The following FARS2 variants were observed in gnomAD, a reference collection of about 807,000 sequenced individuals.
The protein encoded by FARS2 is phenylalanyl-tRNA synthetase 2, mitochondrial, also known as phenylalanine--tRNA ligase, mitochondrial.
Under a neutral mutation model 46.4 loss-of-function variants are expected in FARS2, and 40 were observed. The observed-to-expected ratio is 0.86, with a 90% CI of 0.67 to 1.12. The LOEUF (loss-of-function observed/expected upper bound fraction) is 1.12. Among genes scored for constraint, FARS2 ranks in the 50% most tolerant of loss-of-function variants. FARS2 has a pLI of 0.00. For missense variants in FARS2, 513 were observed against 567.9 expected (o/e 0.90, Z 0.98); for synonymous variants, 234 against 214.9 (o/e 1.09, Z -0.78).
chr6:5,356,804 A>G (rs1717850249), intron 1 of FARS2, among the ~76,000 whole-genome samples: 2 of 152,230 alleles, frequency 1.3e-5, no homozygotes, highest in Admixed American at 1.3e-4. Context: ...GCAACTTTAT[A>G]GACTATACTG....
chr6:5,493,668 G>A (rs373000820), intron 4 of FARS2, among the ~76,000 whole-genome samples: 1 of 152,184 alleles, frequency 6.6e-6, no homozygotes, highest in East Asian at 1.9e-4. Flanking sequence ...TTTATAAAAT[G>A]GGAGCAGTAG....
At chr6:5,516,933 C>T (rs1416757643) in intron 4 of FARS2, among the ~76,000 whole-genome samples, 1 of 152,054 alleles carries the variant, frequency 6.6e-6, no homozygotes, top group Admixed American at 6.6e-5. Flanking sequence ...TTGCAAGATG[C>T]TTGGGGTATA....
intron 4 of FARS2, among the ~76,000 whole-genome samples, chr6:5,539,384 G>GTGTGTATGTGTATATATATATATATA: frequency 2.4e-4 from 19 of 79,580 alleles, no homozygotes; most frequent in African/African-American, 8.8e-4. Context: ...TTTTTTTTGT[G>GTGTGTATGTGTATATATATATATATA]TATATATATA....
At chr6:5,611,174 G>A (rs1238686679) in intron 5 of FARS2, among the ~76,000 whole-genome samples, 1 of 152,232 alleles carries the variant, frequency 6.6e-6, no homozygotes, top group African/African-American at 2.4e-5. Flanking sequence ...TACTGTGCAA[G>A]AGAAGGATAG....
Position 5,368,861 on chromosome 6 carries a change from C to T in FARS2, c.291C>T (p.Phe97=). The change falls in exon 2 of 7, where the codon TTC becomes TTT. Residue 97 remains phenylalanine, a synonymous_variant. Transcript: ENST00000274680. ...WLIKERVKEH[F]YKQYVGRFGT... is the part of the protein sequence containing the mutation. The stretch of plus-strand genomic sequence containing the variant: ...TCAAGGAGAGGGTGAAGGAGCACTT[C>T]TACAAGCAGTATGTGGGCCGCTTTG... 6.2e-7 allele frequency: 1 copy of T among 1,614,146 alleles called. No homozygotes were observed. Among genetic ancestry groups the T allele is most frequent in the Non-Finnish European group, 8.5e-7 (1 of 1,180,024 alleles).
intron 5 of FARS2, among the ~76,000 whole-genome samples, chr6:5,602,772 A>G (rs1330136008): frequency 6.6e-6 from 1 of 151,778 alleles, no homozygotes; most frequent in Non-Finnish European, 1.5e-5. Flanking sequence ...ATGGGGTAGC[A>G]TTGTTAAACC....
chr6:5,562,810 T>TC (rs1253977002), intron 5 of FARS2, among the ~76,000 whole-genome samples: 2 of 150,276 alleles, frequency 1.3e-5, no homozygotes, highest in Non-Finnish European at 3.0e-5. Flanking sequence ...CTTTTTCTTT[T>TC]TTTTTTTTTT....
chr6:5,702,222 A>G (rs1487098453), intron 6 of FARS2, among the ~76,000 whole-genome samples: 4 of 152,232 alleles, frequency 2.6e-5, no homozygotes, highest in Admixed American at 6.5e-5. Context: ...AGCAACAGCA[A>G]GGGAAAAACA....
At chr6:5,284,571 AGT>A (rs1347906858) in intron 1 of FARS2, among the ~76,000 whole-genome samples, 1 of 152,180 alleles carries the variant, frequency 6.6e-6, no homozygotes, top group Non-Finnish European at 1.5e-5. Flanking sequence ...GATCATAAAT[AGT>A]GCTTATGTTT....
chr6:5,543,456 C>G (rs946673806), intron 4 of FARS2, among the ~76,000 whole-genome samples: 28 of 151,936 alleles, frequency 1.8e-4, no homozygotes, highest in African/African-American at 6.8e-4. Context: ...CCTCCACCTC[C>G]CAGGTTCAAG....
At chr6:5,709,673 T>TGG (rs1758989593) in intron 6 of FARS2, among the ~76,000 whole-genome samples, 1 of 21,640 alleles carries the variant, frequency 4.6e-5, no homozygotes, top group East Asian at 7.4e-3. Context: ...TCCAAGAGGG[T>TGG]GTGTGTGTGT....
chr6:5,255,720 T>G, the FARS2 span, among the ~76,000 whole-genome samples: 1 of 152,084 alleles, frequency 6.6e-6, no homozygotes, highest in Non-Finnish European at 1.5e-5. Flanking sequence ...CTAGGATTTC[T>G]CAATCTTGGC....
intron 6 of FARS2, among the ~76,000 whole-genome samples, chr6:5,732,803 C>G (rs1265866156): frequency 6.8e-6 from 1 of 147,518 alleles, no homozygotes. Context: ...AGGACCTTTT[C>G]ATATCCTTCA....
At chr6:5,461,912 G>C (rs996282562) in intron 4 of FARS2, among the ~76,000 whole-genome samples, 1 of 152,192 alleles carries the variant, frequency 6.6e-6, no homozygotes, top group African/African-American at 2.4e-5. Flanking sequence ...GTGGCCATAT[G>C]ATTTCATTTC....
At chr6:5,336,785 G>A (rs979574887) in intron 1 of FARS2, among the ~76,000 whole-genome samples, 1 of 152,106 alleles carries the variant, frequency 6.6e-6, no homozygotes, top group Non-Finnish European at 1.5e-5. Context: ...ATATATGCGT[G>A]TGTTTCCTCA....
chr6:5,498,228 C>T (rs1767584894), intron 4 of FARS2, among the ~76,000 whole-genome samples: 2 of 152,192 alleles, frequency 1.3e-5, no homozygotes, highest in Admixed American at 1.3e-4. Context: ...ACACATCCTC[C>T]TCTGATGGTA....
At chr6:5,501,473 A>AT (rs1246522048) in intron 4 of FARS2, among the ~76,000 whole-genome samples, 1 of 151,718 alleles carries the variant, frequency 6.6e-6, no homozygotes, top group African/African-American at 2.4e-5. Context: ...TGGGGTTCTC[A>AT]TTTTTTTATT....
intron 6 of FARS2, among the ~76,000 whole-genome samples, chr6:5,617,409 G>A (rs1775534629): frequency 6.6e-6 from 1 of 152,242 alleles, no homozygotes; most frequent in African/African-American, 2.4e-5. Context: ...TAAGAAATAA[G>A]GGGCTTGGTG....
intron 5 of FARS2, among the ~76,000 whole-genome samples, chr6:5,568,578 A>C (rs1276308223): frequency 6.6e-6 from 1 of 152,202 alleles, no homozygotes; most frequent in Non-Finnish European, 1.5e-5. Context: ...GGAAGGAGAC[A>C]GAAGTGTGAG....
Sources: allele counts gnomAD v4.1 joint callset (sites outside exome capture counted in the v4.1 genomes callset), GRCh38; gene constraint gnomAD v4.1.1; transcripts MANE v1.5; gene names NCBI Gene and HGNC (gene_info 2026-07-23, HGNC 2026-07-21).